ZDHHC5: variants seen among roughly 807,000 people sequenced by gnomAD.
ZDHHC5 encodes the protein zDHHC palmitoyltransferase 5.
A neutral mutation model predicts 70.0 loss-of-function variants in ZDHHC5; 22 were observed. The observed-to-expected ratio is 0.31, with a 90% CI of 0.22 to 0.45. The LOEUF is 0.45. Ranked by LOEUF, ZDHHC5 falls within the 20% of genes least tolerant of loss-of-function variation. The pLI is 1.00. For synonymous variants in ZDHHC5, 313 were observed against 347.8 expected (o/e 0.90, Z 1.11); for missense variants, 746 against 926.9 (o/e 0.80, Z 2.53).
Position 57,690,416 on chromosome 11 carries a change from G to T in ZDHHC5, c.639G>T (p.Arg213Ser), listed in dbSNP as rs1946267707. The T allele has an allele frequency of 6.2e-7, 1 of 1,613,998 alleles. No individual in the cohort carries two copies. The highest frequency in any genetic ancestry group is 1.7e-5 in the Admixed American group (1 of 59,988). The change falls in exon 6 of 12, where the codon AGG (arginine) becomes AGT (serine). Residue 213 changes from arginine to serine, a missense_variant. Arg to Ser is a moderately radical substitution (Grantham distance 110). Transcript: ENST00000287169. Reference protein sequence around the residue: ...LTGFHVVLVARGRTTNEQVTG... With the variant: ...LTGFHVVLVASGRTTNEQVTG... ...GATTTCACGTGGTTCTGGTGGCCAG[G>T]GGACGCACAACCAATGAACAGGTAT...
intron 1 of ZDHHC5, among the ~76,000 whole-genome samples, chr11:57,669,391 T>G (rs769126143): frequency 6.6e-6 from 1 of 152,236 alleles, no homozygotes; most frequent in Non-Finnish European, 1.5e-5. Flanking sequence ...TCCTGTATTG[T>G]TTGTTTTACA....
intron 8 of ZDHHC5, 60 bp downstream of exon 8, chr11:57,693,975 C>T (rs539880722): frequency 1.4e-5 from 22 of 1,521,702 alleles, no homozygotes; most frequent in African/African-American, 5.7e-5. Context: ...GGCAAAGAGA[C>T]GGAAGCTTGC....
At position 57,695,185 on chromosome 11, in the gene ZDHHC5, C is replaced by T. The variant is rs543044291; in HGVS notation, c.886-735C>T. On this transcript the variant is annotated intron_variant, in intron 8 of 11. Coordinates refer to ENST00000287169, the MANE Select transcript of ZDHHC5 (RefSeq NM_015457.3). ...GCTGAGGTAGGAGAATTGCTTGAACCCGGGAGGCGGAGGTTGCAGTGAGCC... is the reference window on the plus strand; with the variant it reads ...GCTGAGGTAGGAGAATTGCTTGAACTCGGGAGGCGGAGGTTGCAGTGAGCC... Among the ~76,000 whole-genome samples, 9 of 152,200 alleles carry T rather than the reference C, an allele frequency of 5.9e-5. No homozygotes were observed. The South Asian group carries it at 1.9e-3, about 32-fold the overall frequency.
intron 8 of ZDHHC5, among the ~76,000 whole-genome samples, chr11:57,695,608 C>T (rs955026508): frequency 6.6e-6 from 1 of 151,466 alleles, no homozygotes; most frequent in African/African-American, 2.4e-5. Flanking sequence ...GGCAACATGG[C>T]GAGACCCCCA....
chr11:57,675,018 C>G (rs1946053604), intron 2 of ZDHHC5, among the ~76,000 whole-genome samples: 1 of 152,192 alleles, frequency 6.6e-6, no homozygotes, highest in African/African-American at 2.4e-5. Flanking sequence ...ACATTTACTA[C>G]CAGAAAGAGG....
intron 6 of ZDHHC5, among the ~76,000 whole-genome samples, chr11:57,691,804 A>T (rs925296422): frequency 5.9e-5 from 9 of 152,080 alleles, no homozygotes; most frequent in Admixed American, 4.6e-4. Flanking sequence ...TCCTAAAAAA[A>T]AAAAAGAATA....
chr11:57,698,353 T>C (rs1045939443), intron 10 of ZDHHC5, among the ~76,000 whole-genome samples: 3 of 152,222 alleles, frequency 2.0e-5, no homozygotes, highest in Non-Finnish European at 4.4e-5. Flanking sequence ...ATACTCAGCC[T>C]TTCTACGTCT....
chr11:57,685,733 CAA>C (rs1306458245), intron 3 of ZDHHC5, among the ~76,000 whole-genome samples: 2 of 151,996 alleles, frequency 1.3e-5, no homozygotes, highest in African/African-American at 4.8e-5. Context: ...CCTCTATAAA[CAA>C]ATACACCGTG....
At chr11:57,688,438 C>T (rs1946239949) in intron 3 of ZDHHC5, 70 bp from the exon 4 acceptor site, 1 of 1,425,838 alleles carries the variant, frequency 7.0e-7, no homozygotes, top group Non-Finnish European at 9.2e-7. Flanking sequence ...ATATTTTAAA[C>T]ATCATTGAAT....
chr11:57,690,019 CTT>C lies in ZDHHC5; in HGVS notation c.385-10_385-9del. 1 of 1,613,842 alleles carries C rather than the reference CTT, an allele frequency of 6.2e-7. No homozygotes were observed. The highest frequency in any genetic ancestry group is 8.5e-7 in the Non-Finnish European group (1 of 1,179,826). ...CCAGGGATGCCTCTCATCTGTCTCT[CTT>C]TGTCCCTAGGAATTTGATCATCACT... is the stretch of plus-strand genomic sequence containing the variant. On this transcript the variant is annotated splice_polypyrimidine_tract_variant and intron_variant, in intron 4 of 11. Transcript: ENST00000287169.
At chr11:57,682,904 G>T (rs1400029423) in intron 3 of ZDHHC5, among the ~76,000 whole-genome samples, 2 of 152,230 alleles carry the variant, frequency 1.3e-5, no homozygotes, top group African/African-American at 4.8e-5. Context: ...AATTAAGACA[G>T]TTATGACAGT....
chr11:57,692,707 A>C lies in ZDHHC5; in HGVS notation c.752+5A>C. Reference sequence around the variant, plus strand: ...CTGCAGTTCTCCAGCACCCAGGTACACCTATCCCTCTGGTCTAGTGTTTAC... The same window carrying C: ...CTGCAGTTCTCCAGCACCCAGGTACCCCTATCCCTCTGGTCTAGTGTTTAC... On this transcript the variant is annotated splice_donor_5th_base_variant and intron_variant, in intron 7 of 11. Transcript: ENST00000287169. 14 of 1,614,000 alleles carry C rather than the reference A, an allele frequency of 8.7e-6. No homozygotes were observed. Among genetic ancestry groups the C allele is most frequent in the Admixed American group, 3.3e-5 (2 of 60,008 alleles).
At chr11:57,668,305 T>C (rs546127180) in intron 1 of ZDHHC5, 118 bp downstream of exon 1, 95 of 258,506 alleles carry the variant, frequency 3.7e-4, no homozygotes, top group African/African-American at 1.8e-3. Flanking sequence ...AAGGCCCTAT[T>C]TCTCCTCCGG....
chr11:57,695,877 G>A, intron 8 of ZDHHC5, 43 bp from the exon 9 acceptor site: 1 of 1,599,438 alleles, frequency 6.3e-7, no homozygotes, highest in Middle Eastern at 1.7e-4. Flanking sequence ...TTGCCATAAT[G>A]CTCAATTTCT....
intron 2 of ZDHHC5, among the ~76,000 whole-genome samples, chr11:57,675,924 ACT>A (rs1454764657): frequency 2.6e-5 from 4 of 152,038 alleles, no homozygotes; most frequent in Non-Finnish European, 4.4e-5. Context: ...CAAGAGGAAA[ACT>A]CTCTGAACTA....
chr11:57,691,361 T>C (rs557773191), intron 6 of ZDHHC5, among the ~76,000 whole-genome samples: 2 of 152,254 alleles, frequency 1.3e-5, no homozygotes. Flanking sequence ...TATTTATTTA[T>C]TTATTTATTG....
intron 6 of ZDHHC5, among the ~76,000 whole-genome samples, chr11:57,690,744 A>C (rs1030758091): frequency 2.0e-5 from 3 of 152,214 alleles, no homozygotes; most frequent in African/African-American, 7.2e-5. Flanking sequence ...AAACTGTCGC[A>C]AGGACAGAAA....
At chr11:57,678,277 C>T (rs1316485665) in intron 2 of ZDHHC5, among the ~76,000 whole-genome samples, 1 of 152,066 alleles carries the variant, frequency 6.6e-6, no homozygotes, top group Non-Finnish European at 1.5e-5. Flanking sequence ...GTCTTCTGTC[C>T]ACTGAATGCT....
Position 57,698,901 on chromosome 11 carries a change from C to T in ZDHHC5, c.1465C>T (p.Pro489Ser). The change falls in exon 11 of 12, where the codon CCT becomes TCT. Residue 489 changes from proline to serine, a missense_variant. Physicochemically the swap from Pro to Ser is moderately conservative, Grantham distance 74 (BLOSUM62 -1). Coordinates refer to ENST00000287169, the MANE Select transcript of ZDHHC5 (RefSeq NM_015457.3). ...TGATTTTGAGTCAGTGCAGGCAGGG[C>T]CTGAGCCAGACCCACCTTTAGGCTA... ...SPDFESVQAG[P>S]EPDPPLGYTS... 1.9e-6 allele frequency: 3 copies of T among 1,614,212 alleles called. No individual in the cohort carries two copies. The highest frequency in any genetic ancestry group is 2.5e-6 in the Non-Finnish European group (3 of 1,180,034).
Sources: allele counts gnomAD v4.1 joint callset (sites outside exome capture counted in the v4.1 genomes callset), GRCh38; gene constraint gnomAD v4.1.1; transcripts MANE v1.5; gene names NCBI Gene and HGNC (gene_info 2026-07-23, HGNC 2026-07-21).